Variants in INPP4A observed in about 807,000 individuals in gnomAD.
The protein encoded by INPP4A is inositol polyphosphate-4-phosphatase type I A.
In INPP4A, 33 loss-of-function variants were observed where a neutral mutation model predicts 119.8. The ratio of observed to expected loss-of-function variants is 0.28; its 90% CI spans 0.21 to 0.37. The LOEUF (loss-of-function observed/expected upper bound fraction) is 0.37. Ranked by LOEUF, INPP4A falls within the 10% of genes least tolerant of loss-of-function variation. The pLI is 1.00. For synonymous variants in INPP4A, 496 were observed against 500.7 expected, an observed-to-expected ratio of 0.99 and a Z score of 0.12; for missense variants, 956 against 1,289.9, an observed-to-expected ratio of 0.74 and a Z score of 3.97.
At chr2:98,466,344 C>G (rs1201837893) in intron 1 of INPP4A, among the ~76,000 whole-genome samples, 3 of 152,248 alleles carry the variant, frequency 2.0e-5, no homozygotes, top group Non-Finnish European at 4.4e-5. Flanking sequence ...CCGTGCCCGG[C>G]CTTGTTATGT....
intron 1 of INPP4A, among the ~76,000 whole-genome samples, chr2:98,451,029 C>A (rs139047349): frequency 3.3e-5 from 5 of 152,228 alleles, no homozygotes; most frequent in South Asian, 4.1e-4. Context: ...CCTCTGCCCC[C>A]CAAAGTGCTG....
chr2:98,451,381 A>G lies in INPP4A; in HGVS notation c.-166+6296A>G, dbSNP rs141822234. On this transcript the variant is annotated intron_variant, in intron 1 of 24. Transcript: ENST00000409851. ...GGGGGATCATGCTCTGGTGAGGTCTATTTTCTGGAATAGGGTCAGGAAGAC... is the reference window on the plus strand; with the variant it reads ...GGGGGATCATGCTCTGGTGAGGTCTGTTTTCTGGAATAGGGTCAGGAAGAC... 1.1e-3 allele frequency among the ~76,000 whole-genome samples: 165 copies of G among 151,964 alleles called. 2 individuals carry two copies. The highest frequency in any genetic ancestry group is 6.8e-3 in the Middle Eastern group (2 of 294).
At chr2:98,517,286 G>C (rs1312853177) in intron 1 of INPP4A, among the ~76,000 whole-genome samples, 1 of 152,162 alleles carries the variant, frequency 6.6e-6, no homozygotes, top group Non-Finnish European at 1.5e-5. Context: ...GTTGTCTCAG[G>C]TATCTTGCTA....
intron 1 of INPP4A, among the ~76,000 whole-genome samples, chr2:98,457,832 C>T (rs931700974): frequency 2.0e-5 from 3 of 152,066 alleles, no homozygotes; most frequent in Non-Finnish European, 4.4e-5. Context: ...GACGGGGTCT[C>T]GCTCTGTTGC....
In INPP4A at chr2:98,588,647, G is replaced by T. The variant is rs764811058; in HGVS notation, c.*1039G>T. 2.2e-5 allele frequency: 5 copies of T among 223,730 alleles called. No individual in the cohort carries two copies. Among genetic ancestry groups the T allele is most frequent in the Non-Finnish European group, 4.5e-5 (5 of 112,296 alleles). The allele number at this position is 223,730 out of a possible 1,614,324, so 13.9% of individuals were successfully genotyped here. The stretch of plus-strand genomic sequence containing the variant: ...TATGTAAGATGACTATTGAGAAACA[G>T]TTGAAATTTATTCTCCTCAAATGAG... On this transcript the variant is annotated 3_prime_UTR_variant, in exon 25 of 25. Transcript: ENST00000409851.
chr2:98,549,005 G>A, intron 13 of INPP4A: 1 of 1,604,204 alleles, frequency 6.2e-7, no homozygotes, highest in South Asian at 1.1e-5. Context: ...TGTCTGTTTG[G>A]GTCTCGTCCT....
In INPP4A at chr2:98,564,677, G is replaced by A; in HGVS notation, c.2066G>A (p.Arg689Lys). 6.2e-7 allele frequency: 1 copy of A among 1,612,998 alleles called. No individual in the cohort carries two copies. ...ATCTGCGGCTTCATCATTAAGCTGAGGAACTGCCTGCATGACGACGGCTTC... is the reference window on the plus strand; with the variant it reads ...ATCTGCGGCTTCATCATTAAGCTGAAGAACTGCCTGCATGACGACGGCTTC... The part of the protein sequence containing the change: ...ALICGFIIKL[R>K]NCLHDDGFLR... The change falls in exon 19 of 25, where the codon AGG becomes AAG. Residue 689 changes from arginine to lysine, a missense_variant. By Grantham distance (26) the Arg-to-Lys change is conservative. This residue lies in a region of INPP4A where 304 missense variants were observed against 492.1 expected (regional missense o/e 0.62). Coordinates refer to ENST00000409851, the MANE Select transcript of INPP4A (RefSeq NM_001134225.2).
chr2:98,555,290 A>C (rs1270426162), intron 15 of INPP4A, among the ~76,000 whole-genome samples: 1 of 152,240 alleles, frequency 6.6e-6, no homozygotes, highest in Non-Finnish European at 1.5e-5. Context: ...GCAGCACTGG[A>C]GGGCCACCTG....
rs1454752811 is a variant in INPP4A, at chr2:98,566,692, T to C, written c.2420+523T>C. ...CCAGGCTGAGACTCATGCCTGAACC[T>C]AAAGGCAACTGCCCTCCAGGGTCAC... On this transcript the variant is annotated intron_variant, in intron 21 of 24. Transcript: ENST00000409851. The surrounding 1 kb of genome is among the most constrained non-coding windows in gnomAD (Gnocchi z 4.2). Among the ~76,000 whole-genome samples, 1 of 152,094 alleles carries C rather than the reference T, an allele frequency of 6.6e-6. No homozygotes were observed. Among genetic ancestry groups the C allele is most frequent in the Non-Finnish European group, 1.5e-5 (1 of 68,024 alleles).
At chr2:98,455,277 G>A (rs1695925788) in intron 1 of INPP4A, among the ~76,000 whole-genome samples, 1 of 152,100 alleles carries the variant, frequency 6.6e-6, no homozygotes, top group Non-Finnish European at 1.5e-5. Context: ...GGTCGAGGCT[G>A]CAGTGAGCTA....
intron 17 of INPP4A, among the ~76,000 whole-genome samples, chr2:98,562,593 T>C (rs1387674857): frequency 6.6e-6 from 1 of 152,202 alleles, no homozygotes; most frequent in Non-Finnish European, 1.5e-5. Context: ...ATGTTTGGTG[T>C]GGTGGATTCA....
chr2:98,576,549 C>T (rs1331763548), intron 23 of INPP4A, among the ~76,000 whole-genome samples: 1 of 152,194 alleles, frequency 6.6e-6, no homozygotes, highest in Non-Finnish European at 1.5e-5. Flanking sequence ...GACCTAGAGA[C>T]CTGGCCCAGG....
chr2:98,495,860 C>G (rs192475052), intron 1 of INPP4A, among the ~76,000 whole-genome samples: 1 of 152,274 alleles, frequency 6.6e-6, no homozygotes, highest in South Asian at 2.1e-4. Flanking sequence ...GGAAAAAGAC[C>G]TGGAAAGGGA....
chr2:98,481,002 A>G (rs1221158529), intron 1 of INPP4A, among the ~76,000 whole-genome samples: 1 of 152,190 alleles, frequency 6.6e-6, no homozygotes, highest in African/African-American at 2.4e-5. Context: ...ACCAGTGTGC[A>G]GTTTAGGAAA....
At chr2:98,511,599 A>G (rs777270463) in intron 1 of INPP4A, among the ~76,000 whole-genome samples, 1 of 152,070 alleles carries the variant, frequency 6.6e-6, no homozygotes, top group Non-Finnish European at 1.5e-5. Context: ...CAGAACATGG[A>G]TGTCTATCCT....
chr2:98,583,029 C>T (rs1699551792), intron 24 of INPP4A, among the ~76,000 whole-genome samples: 1 of 152,006 alleles, frequency 6.6e-6, no homozygotes, highest in African/African-American at 2.4e-5. Flanking sequence ...AGAAAGATCA[C>T]CTACTGCATA....
intron 1 of INPP4A, among the ~76,000 whole-genome samples, chr2:98,489,525 A>G (rs3769723): frequency 0.27 from 41,612 of 151,754 alleles, 5,695 homozygotes; most frequent in Middle Eastern, 0.35. Flanking sequence ...GCACCAAGTG[A>G]GGGCTGTCAT....
rs544569652 is a variant in INPP4A at position 98,480,311 on chromosome 2, G to A, written c.-166+35226G>A. On this transcript the variant is annotated intron_variant, in intron 1 of 24. Transcript: ENST00000409851. ...CCATATGCTGGGCATTGGGCCAGATGTCTGTCTAGGATCAGTTTATTAATC... is the reference window on the plus strand; with the variant it reads ...CCATATGCTGGGCATTGGGCCAGATATCTGTCTAGGATCAGTTTATTAATC... Among the ~76,000 whole-genome samples the A allele has an allele frequency of 2.6e-5, 4 of 152,346 alleles. No homozygotes were observed. The East Asian group carries it at 7.7e-4, about 29-fold the overall frequency.
chr2:98,565,308 T>C, intron 19 of INPP4A, among the ~76,000 whole-genome samples: 1 of 152,332 alleles, frequency 6.6e-6, no homozygotes, highest in East Asian at 1.9e-4. Context: ...CTTTAGCATC[T>C]CTCATTTCGT....
Sources: gnomAD v4.1 joint callset for allele counts (sites outside exome capture counted in the v4.1 genomes callset) on GRCh38, gnomAD v4.1.1 for gene constraint, gnomAD v4.1.1 regional missense constraint, Gnocchi (gnomAD v3.1) non-coding constraint, MANE v1.5 for transcripts, NCBI Gene and HGNC (gene_info 2026-07-23, HGNC 2026-07-21) for gene names.